The following RABGAP1L variants were observed in gnomAD, a reference collection of about 807,000 sequenced individuals.
The protein encoded by RABGAP1L is RAB GTPase activating protein 1 like.
Under a neutral mutation model 137.7 loss-of-function variants are expected in RABGAP1L, and 63 were observed. The observed-to-expected ratio is 0.46, with a 90% CI of 0.37 to 0.56. The LOEUF is 0.56. Among genes scored for constraint, RABGAP1L ranks in the 20% least tolerant of loss-of-function variants. The pLI is 0.00. For synonymous variants in RABGAP1L, 431 were observed against 433.7 expected, an observed-to-expected ratio of 0.99 and a Z score of 0.08; for missense variants, 1,095 against 1,244.0, an observed-to-expected ratio of 0.88 and a Z score of 1.80.
At chr1:174,746,996 T>C (rs1316417068) in intron 17 of RABGAP1L, among the ~76,000 whole-genome samples, 1 of 152,226 alleles carries the variant, frequency 6.6e-6, no homozygotes, top group Non-Finnish European at 1.5e-5. Context: ...CTCCAAACCT[T>C]TGACTCCTAC....
intron 17 of RABGAP1L, among the ~76,000 whole-genome samples, chr1:174,714,761 A>G (rs1680863956): frequency 6.6e-6 from 1 of 152,124 alleles, no homozygotes; most frequent in Non-Finnish European, 1.5e-5. Flanking sequence ...TTCTCTATCA[A>G]TCTCTATGAA....
rs562009128 is a variant in RABGAP1L, at chr1:174,817,541, T to C, written c.2340+5581T>C. 3.9e-5 allele frequency among the ~76,000 whole-genome samples: 6 copies of C among 152,076 alleles called. No homozygotes were observed. The South Asian group carries it at 8.3e-4, about 21-fold the overall frequency. On this transcript the variant is annotated intron_variant, in intron 19 of 25. Coordinates refer to ENST00000681986, the MANE Select transcript of RABGAP1L (RefSeq NM_001366446.1). ...AGGGAGAGGCAGTTAGGGGAGTAGA[T>C]AGAGAAAAGACTAGAGAGGTAAGCA...
intron 3 of RABGAP1L, among the ~76,000 whole-genome samples, chr1:174,228,155 T>C (rs925260727): frequency 6.6e-6 from 1 of 152,072 alleles, no homozygotes; most frequent in Non-Finnish European, 1.5e-5. Context: ...ATCATATTTA[T>C]AATAGTCGTA....
chr1:174,582,250 C>T (rs1220394604), intron 13 of RABGAP1L, among the ~76,000 whole-genome samples: 1 of 151,990 alleles, frequency 6.6e-6, no homozygotes, highest in Non-Finnish European at 1.5e-5. Flanking sequence ...TGGCACGCTG[C>T]ACTCCAGCCT....
chr1:174,933,244 T>C (rs1337298528), intron 19 of RABGAP1L, among the ~76,000 whole-genome samples: 1 of 152,090 alleles, frequency 6.6e-6, no homozygotes, highest in Non-Finnish European at 1.5e-5. Context: ...TCCTGATAAA[T>C]CCCCCAGTAT....
At chr1:174,846,530 A>G (rs886260819) in intron 19 of RABGAP1L, among the ~76,000 whole-genome samples, 3 of 105,660 alleles carry the variant, frequency 2.8e-5, no homozygotes, top group African/African-American at 8.3e-5. Context: ...CATGTAGTTG[A>G]GTGGCTTTGA....
chr1:174,502,601 C>CAT (rs1309099683), intron 13 of RABGAP1L, among the ~76,000 whole-genome samples: 4 of 81,540 alleles, frequency 4.9e-5, no homozygotes, highest in South Asian at 3.3e-4. Flanking sequence ...TATATATGTA[C>CAT]ATATATGTGT....
chr1:174,586,315 C>T (rs780885944), intron 13 of RABGAP1L, among the ~76,000 whole-genome samples: 4 of 144,446 alleles, frequency 2.8e-5, no homozygotes, highest in East Asian at 2.3e-4. Context: ...CCAAACACCT[C>T]GTGTTGTAAG....
chr1:174,340,514 A>C (rs1182256996), intron 11 of RABGAP1L, among the ~76,000 whole-genome samples: 1 of 152,196 alleles, frequency 6.6e-6, no homozygotes, highest in Non-Finnish European at 1.5e-5. Context: ...ACTTATGAGA[A>C]TATGCAGTGT....
chr1:174,224,863 T>G (rs929376488), intron 3 of RABGAP1L, among the ~76,000 whole-genome samples: 28 of 152,196 alleles, frequency 1.8e-4, no homozygotes, highest in Admixed American at 1.6e-3. Context: ...ATGTTATTTT[T>G]CTTTGCTTTC....
intron 11 of RABGAP1L, among the ~76,000 whole-genome samples, chr1:174,353,700 G>C (rs1053602023): frequency 1.3e-5 from 2 of 152,216 alleles, no homozygotes; most frequent in Non-Finnish European, 2.9e-5. Context: ...TAGGGCAGCA[G>C]TGAGTTCCAA....
intron 17 of RABGAP1L, among the ~76,000 whole-genome samples, chr1:174,725,797 G>C (rs1252820336): frequency 1.3e-5 from 2 of 151,936 alleles, no homozygotes; most frequent in East Asian, 3.9e-4. Context: ...CAGTGTTTAT[G>C]ACATTGGAAG....
chr1:174,728,016 T>TA (rs1682136187), intron 17 of RABGAP1L, among the ~76,000 whole-genome samples: 1 of 152,206 alleles, frequency 6.6e-6, no homozygotes, highest in Non-Finnish European at 1.5e-5. Flanking sequence ...AGTCAGCAGT[T>TA]ACATTTTGTC....
At chr1:174,541,789 G>A (rs999502300) in intron 13 of RABGAP1L, among the ~76,000 whole-genome samples, 9 of 151,758 alleles carry the variant, frequency 5.9e-5, no homozygotes. Flanking sequence ...AAAAAAAAAA[G>A]TTTTTAGCGT....
intron 13 of RABGAP1L, among the ~76,000 whole-genome samples, chr1:174,528,545 A>G (rs910053749): frequency 3.4e-5 from 5 of 146,370 alleles, no homozygotes; most frequent in African/African-American, 1.3e-4. Context: ...TCTCCTGGTC[A>G]GTAAGGTTTC....
rs1225875331 is a variant in RABGAP1L, at chr1:174,869,293, T to G, written c.2340+57333T>G. Among the ~76,000 whole-genome samples the G allele has an allele frequency of 5.3e-5, 8 of 151,628 alleles. No individual in the cohort carries two copies. The East Asian group carries it at 1.4e-3, about 26-fold the overall frequency. ...ATCCCCACATGTCCAGGGAGGGAGG[T>G]GAGTGGATCATGGGGGAGTGGATCA... On this transcript the variant is annotated intron_variant, in intron 19 of 25. Coordinates refer to ENST00000681986, the MANE Select transcript of RABGAP1L (RefSeq NM_001366446.1).
chr1:174,668,367 T>G (rs775993532), intron 14 of RABGAP1L, among the ~76,000 whole-genome samples: 15 of 152,204 alleles, frequency 9.9e-5, no homozygotes, highest in Non-Finnish European at 2.1e-4. Context: ...GTGGTATTTG[T>G]TTTTCTATGC....
At chr1:174,450,888 C>CA (rs1163556973) in intron 13 of RABGAP1L, among the ~76,000 whole-genome samples, 2 of 152,066 alleles carry the variant, frequency 1.3e-5, no homozygotes, top group Non-Finnish European at 2.9e-5. Flanking sequence ...AATTAGAAGC[C>CA]AACCATGTTT....
chr1:174,495,738 C>G (rs755325126), intron 13 of RABGAP1L, among the ~76,000 whole-genome samples: 2 of 152,098 alleles, frequency 1.3e-5, no homozygotes, highest in Non-Finnish European at 2.9e-5. Flanking sequence ...TTATAGTAAT[C>G]ATATCTTACT....
Sources: gnomAD v4.1 joint callset for allele counts (sites outside exome capture counted in the v4.1 genomes callset) on GRCh38, gnomAD v4.1.1 for gene constraint, MANE v1.5 for transcripts, NCBI Gene and HGNC (gene_info 2026-07-23, HGNC 2026-07-21) for gene names.